The following ATP8A2 variants were observed in gnomAD, a reference collection of about 807,000 sequenced individuals.
The protein encoded by ATP8A2 is ATPase phospholipid transporting 8A2, also known as phospholipid-transporting ATPase IB.
In ATP8A2, 100 loss-of-function variants were observed where a neutral mutation model predicts 165.6. That is an observed-to-expected ratio of 0.60 (90% CI 0.51 to 0.71). ATP8A2 has a LOEUF of 0.71. Among genes scored for constraint, ATP8A2 ranks in the 30% least tolerant of loss-of-function variants. The probability of loss-of-function intolerance (pLI) is 0.00; values close to 1 mark genes in which losing one functional copy is unlikely to be tolerated. For synonymous variants in ATP8A2, 543 were observed against 548.8 expected, an observed-to-expected ratio of 0.99 and a Z score of 0.15; for missense variants, 1,227 against 1,479.5, an observed-to-expected ratio of 0.83 and a Z score of 2.80.
chr13:25,767,215 AG>A (rs2138278716), intron 25 of ATP8A2, among the ~76,000 whole-genome samples: 1 of 152,326 alleles, frequency 6.6e-6, no homozygotes, highest in East Asian at 1.9e-4. Context: ...TGCACAAACT[AG>A]GCGGGAATAG....
chr13:25,404,828 G>T (rs1171813029), intron 1 of ATP8A2, among the ~76,000 whole-genome samples: 3 of 152,058 alleles, frequency 2.0e-5, no homozygotes, highest in African/African-American at 7.2e-5. Context: ...AGTCATCAAT[G>T]GGCACTCGTG....
At chr13:26,012,992 C>T (rs891042107) in intron 36 of ATP8A2, among the ~76,000 whole-genome samples, 3 of 152,040 alleles carry the variant, frequency 2.0e-5, no homozygotes, top group Admixed American at 2.0e-4. Context: ...GAAACAATGA[C>T]CATCATTGGG....
At chr13:25,741,337 G>T (rs921257100) in intron 25 of ATP8A2, among the ~76,000 whole-genome samples, 1 of 152,114 alleles carries the variant, frequency 6.6e-6, no homozygotes, top group Non-Finnish European at 1.5e-5. Context: ...GACTAGAAGT[G>T]TCCCTAAAAT....
intron 24 of ATP8A2, among the ~76,000 whole-genome samples, chr13:25,652,833 C>T (rs2041843676): frequency 6.6e-6 from 1 of 152,218 alleles, no homozygotes; most frequent in Admixed American, 6.5e-5. Flanking sequence ...CTTGTCCTTG[C>T]ACTGACTGTG....
At chr13:25,842,302 A>G (rs932570282) in intron 30 of ATP8A2, among the ~76,000 whole-genome samples, 3 of 152,188 alleles carry the variant, frequency 2.0e-5, no homozygotes, top group African/African-American at 7.2e-5. Flanking sequence ...AAAACTGAGC[A>G]GCTGAAAGGT....
chr13:25,635,289 T>C (rs755684348), intron 24 of ATP8A2, among the ~76,000 whole-genome samples: 38 of 152,194 alleles, frequency 2.5e-4, no homozygotes, highest in Admixed American at 3.9e-4. Context: ...GAACAGTGAC[T>C]TGGGGAGAAA....
At chr13:25,975,846 C>G (rs1956023831) in intron 35 of ATP8A2, among the ~76,000 whole-genome samples, 2 of 152,128 alleles carry the variant, frequency 1.3e-5, no homozygotes, top group South Asian at 4.1e-4. Flanking sequence ...ATCTGTGATA[C>G]ACAGCATGCT....
At chr13:25,425,052 G>A (rs911858462) in intron 1 of ATP8A2, among the ~76,000 whole-genome samples, 1 of 152,172 alleles carries the variant, frequency 6.6e-6, no homozygotes, top group African/African-American at 2.4e-5. Context: ...GATGACGGTG[G>A]AGATTCATTT....
chr13:25,599,499 G>C lies in ATP8A2; in HGVS notation c.2211+9800G>C, dbSNP rs111788504. ...AGTTTTCTGGCTGTTTATAAATCTT[G>C]TATACTAGTTACTTTACCACGCCTA... On this transcript the variant is annotated intron_variant, in intron 24 of 36. Transcript: ENST00000381655. 5.0e-3 allele frequency among the ~76,000 whole-genome samples: 769 copies of C among 152,290 alleles called. 8 individuals carry two copies. The highest frequency in any genetic ancestry group is 0.021 in the South Asian group (99 of 4,820).
At chr13:25,793,864 T>TA (rs1398928265) in intron 27 of ATP8A2, among the ~76,000 whole-genome samples, 1 of 152,188 alleles carries the variant, frequency 6.6e-6, no homozygotes, top group Non-Finnish European at 1.5e-5. Context: ...TTTTTACTTT[T>TA]AAAAACAATT....
chr13:25,729,423 C>T (rs1055365176), intron 25 of ATP8A2, among the ~76,000 whole-genome samples: 1 of 152,174 alleles, frequency 6.6e-6, no homozygotes, highest in African/African-American at 2.4e-5. Flanking sequence ...TATGTTGTCT[C>T]ATTTAACCCT....
intron 6 of ATP8A2, among the ~76,000 whole-genome samples, chr13:25,537,388 T>A (rs767030733): frequency 6.6e-6 from 1 of 152,244 alleles, no homozygotes; most frequent in African/African-American, 2.4e-5. Flanking sequence ...ATTACTGTGA[T>A]CAAGTTATTT....
chr13:25,513,581 G>A (rs1457004425), intron 2 of ATP8A2, among the ~76,000 whole-genome samples: 1 of 152,042 alleles, frequency 6.6e-6, no homozygotes, highest in East Asian at 2.0e-4. Flanking sequence ...CTGCAATCTC[G>A]GCACTTTGGG....
intron 33 of ATP8A2, among the ~76,000 whole-genome samples, chr13:25,907,189 T>C (rs1441683528): frequency 1.3e-5 from 2 of 152,040 alleles, no homozygotes; most frequent in Non-Finnish European, 2.9e-5. Context: ...ACCACTGTGC[T>C]ACCCGTGTGG....
At chr13:25,521,596 A>T (rs2037674237) in intron 2 of ATP8A2, among the ~76,000 whole-genome samples, 1 of 152,184 alleles carries the variant, frequency 6.6e-6, no homozygotes, top group South Asian at 2.1e-4. Context: ...ATATGTAATT[A>T]CCAGTTTTCC....
intron 30 of ATP8A2, among the ~76,000 whole-genome samples, chr13:25,850,875 T>C (rs572539631): frequency 3.8e-4 from 58 of 152,324 alleles, no homozygotes; most frequent in African/African-American, 1.4e-3. Context: ...GAGTAGCTTA[T>C]TGGCAGGTTT....
At chr13:25,617,523 CA>C (rs1052625534) in intron 24 of ATP8A2, among the ~76,000 whole-genome samples, 43 of 152,228 alleles carry the variant, frequency 2.8e-4, no homozygotes, top group Admixed American at 5.9e-4. Flanking sequence ...AAGAGTTTGG[CA>C]GAATAAAACT....
At chr13:25,808,972 G>A (rs563460263) in intron 27 of ATP8A2, among the ~76,000 whole-genome samples, 9 of 152,260 alleles carry the variant, frequency 5.9e-5, no homozygotes, top group Middle Eastern at 3.4e-3. Context: ...GAAGAATTGC[G>A]TCCTACCTAA....
intron 25 of ATP8A2, among the ~76,000 whole-genome samples, chr13:25,757,239 C>T (rs1361345697): frequency 4.6e-5 from 7 of 152,138 alleles, no homozygotes; most frequent in Non-Finnish European, 8.8e-5. Flanking sequence ...GACCTTGTGC[C>T]ACTGTGGGAG....
Sources: allele counts gnomAD v4.1 joint callset (sites outside exome capture counted in the v4.1 genomes callset), GRCh38; gene constraint gnomAD v4.1.1; transcripts MANE v1.5; gene names NCBI Gene and HGNC (gene_info 2026-07-23, HGNC 2026-07-21).